Variants in TMTC1 observed in about 807,000 individuals in gnomAD.
TMTC1 encodes transmembrane O-mannosyltransferase targeting cadherins 1, also known as protein O-mannosyl-transferase TMTC1.
In TMTC1, 73 loss-of-function variants were observed where a neutral mutation model predicts 104.8. The observed-to-expected ratio is 0.70, with a 90% CI of 0.58 to 0.85. The LOEUF is 0.85. TMTC1 is among the 40% of genes least tolerant of loss of function. The pLI, the probability that TMTC1 is intolerant of heterozygous loss-of-function variation, is 0.00. For missense variants in TMTC1, 1,035 were observed against 1,096.1 expected (o/e 0.94, Z 0.79); for synonymous variants, 434 against 428.7 (o/e 1.01, Z -0.15).
At position 29,557,438 on chromosome 12, in the gene TMTC1, C is replaced by T. The variant is rs147028514; in HGVS notation, c.1533-438G>A. 1.4e-3 allele frequency among the ~76,000 whole-genome samples: 210 copies of T among 152,242 alleles called. 1 individual carries two copies. The highest frequency in any genetic ancestry group is 4.8e-3 in the African/African-American group (199 of 41,558). On this transcript the variant is annotated intron_variant, in intron 9 of 17. Coordinates refer to ENST00000539277, the MANE Select transcript of TMTC1 (RefSeq NM_001193451.2). ...TTTGAGGAGGAATCTTCATAAACAT[C>T]TTTAAAACAAAAACAAAAACAAAAA...
At chr12:29,567,658 A>G (rs1945553619) in intron 9 of TMTC1, among the ~76,000 whole-genome samples, 1 of 152,246 alleles carries the variant, frequency 6.6e-6, no homozygotes. Context: ...CCAGAAATAC[A>G]TGGCAGCTGG....
chr12:29,599,993 C>CATATATATAT (rs71444331), intron 7 of TMTC1, among the ~76,000 whole-genome samples: 66 of 81,814 alleles, frequency 8.1e-4, no homozygotes, highest in South Asian at 1.7e-3. Context: ...TGTGTATATA[C>CATATATATAT]ATATATATAT....
At chr12:29,572,275 T>G in intron 8 of TMTC1, 57 bp from the exon 9 acceptor site, 1 of 1,368,178 alleles carries the variant, frequency 7.3e-7, no homozygotes, top group Non-Finnish European at 1.0e-6. Context: ...ATTGTCAGAT[T>G]CCTTTATGTT....
intron 17 of TMTC1, among the ~76,000 whole-genome samples, chr12:29,508,684 G>A (rs1338624928): frequency 6.6e-6 from 1 of 151,586 alleles, no homozygotes; most frequent in African/African-American, 2.4e-5. Flanking sequence ...AACAGTTCTC[G>A]TGCCTCAGCC....
rs144139954 is a variant in TMTC1, at chr12:29,655,014, G to T, written c.939-21678C>A. ...TTCTCCTGCCTCAGCCTCCTGAGTA[G>T]CTTGGATTACAGGCTCGTGCCACCA... On this transcript the variant is annotated intron_variant, in intron 5 of 17. Coordinates refer to ENST00000539277, the MANE Select transcript of TMTC1 (RefSeq NM_001193451.2). Among the ~76,000 whole-genome samples, 791 of 152,278 alleles carry T rather than the reference G, an allele frequency of 5.2e-3. 8 individuals carry two copies. Among genetic ancestry groups the T allele is most frequent in the Non-Finnish European group, 9.4e-3 (640 of 68,008 alleles).
intron 5 of TMTC1, among the ~76,000 whole-genome samples, chr12:29,649,792 G>A (rs1179022243): frequency 6.6e-6 from 1 of 152,194 alleles, no homozygotes; most frequent in East Asian, 1.9e-4. Flanking sequence ...TCAACTTTCT[G>A]GTGCCCAGAG....
intron 6 of TMTC1, among the ~76,000 whole-genome samples, chr12:29,620,560 A>G (rs1409345196): frequency 6.6e-6 from 1 of 152,254 alleles, no homozygotes; most frequent in Non-Finnish European, 1.5e-5. Flanking sequence ...AATGACATAA[A>G]AGTATGTGGG....
Position 29,517,552 on chromosome 12 carries a change from T to G in TMTC1, c.2044A>C (p.Lys682Gln), listed in dbSNP as rs1565638617. 4 of 1,614,082 alleles carry G rather than the reference T, an allele frequency of 2.5e-6. No individual in the cohort carries two copies. Among genetic ancestry groups the G allele is most frequent in the Admixed American group, 1.7e-5 (1 of 60,002 alleles). ...CCCAAAGGTGACAATATCTCAGCTTTGTGTGCCACCTGCAGGGCGCTGAGT... is the reference window on the plus strand; with the variant it reads ...CCCAAAGGTGACAATATCTCAGCTTGGTGTGCCACCTGCAGGGCGCTGAGT... ...WYKRALQVAH[K>Q]AEILSPLGAL... Residue 682 changes from lysine to glutamine, a missense_variant, in exon 14 of 18, where the codon AAA becomes CAA. Transcript: ENST00000539277.
chr12:29,651,715 T>C (rs987500904), intron 5 of TMTC1, among the ~76,000 whole-genome samples: 3 of 152,238 alleles, frequency 2.0e-5, no homozygotes, highest in Non-Finnish European at 4.4e-5. Flanking sequence ...TACCTTAGCA[T>C]ACCCTCATCT....
At chr12:29,753,778 G>A (rs1464783251) in intron 4 of TMTC1, among the ~76,000 whole-genome samples, 34 of 152,228 alleles carry the variant, frequency 2.2e-4, no homozygotes, top group Admixed American at 2.2e-3. Flanking sequence ...TAGGCAGAAT[G>A]AGTATGTGTT....
intron 1 of TMTC1, among the ~76,000 whole-genome samples, chr12:29,778,659 T>C (rs1173772945): frequency 1.3e-5 from 2 of 152,256 alleles, no homozygotes; most frequent in Admixed American, 1.3e-4. Flanking sequence ...ATGAAAAGAC[T>C]GAATCTGAGA....
chr12:29,750,168 T>C (rs1255641432), intron 5 of TMTC1, among the ~76,000 whole-genome samples: 2 of 151,906 alleles, frequency 1.3e-5, no homozygotes, highest in Non-Finnish European at 2.9e-5. Flanking sequence ...GCCCTTCACC[T>C]GTGCCCTGCC....
chr12:29,611,750 T>C (rs1946851514), intron 6 of TMTC1, among the ~76,000 whole-genome samples: 1 of 152,180 alleles, frequency 6.6e-6, no homozygotes, highest in African/African-American at 2.4e-5. Flanking sequence ...GAAGACATCT[T>C]TGAAAGTCTG....
intron 5 of TMTC1, among the ~76,000 whole-genome samples, chr12:29,733,351 G>T (rs895618628): frequency 6.6e-6 from 1 of 151,870 alleles, no homozygotes; most frequent in Non-Finnish European, 1.5e-5. Context: ...TCCTGAGGGG[G>T]TAACTGCGTG....
At chr12:29,608,925 G>A (rs2136420253) in intron 6 of TMTC1, among the ~76,000 whole-genome samples, 1 of 152,216 alleles carries the variant, frequency 6.6e-6, no homozygotes, top group Non-Finnish European at 1.5e-5. Flanking sequence ...ATCTTTCAAA[G>A]TGCAATTCAC....
upstream of TMTC1, among the ~76,000 whole-genome samples, chr12:29,784,085 C>T (rs1466348011): frequency 6.6e-6 from 1 of 151,242 alleles, no homozygotes; most frequent in East Asian, 2.0e-4. Flanking sequence ...CCCCGGCCCG[C>T]CTTGCTTGCA....
In TMTC1 at chr12:29,506,820, C is replaced by T. The variant is rs1565631056; in HGVS notation, c.*26G>A. The stretch of plus-strand genomic sequence containing the variant: ...CCCCTTTCAGAGGCACCACATTATC[C>T]TATGAGGTTGGGTCAGACGGTGGTG... On this transcript the variant is annotated 3_prime_UTR_variant, in exon 18 of 18. Transcript: ENST00000539277. 6.2e-7 allele frequency: 1 copy of T among 1,613,608 alleles called. No individual in the cohort carries two copies. The highest frequency in any genetic ancestry group is 1.1e-5 in the South Asian group (1 of 91,042).
chr12:29,639,172 T>C (rs1938711351), intron 5 of TMTC1, among the ~76,000 whole-genome samples: 1 of 152,216 alleles, frequency 6.6e-6, no homozygotes, highest in African/African-American at 2.4e-5. Context: ...GCATTTTCGC[T>C]GCATTGCTGG....
intron 7 of TMTC1, among the ~76,000 whole-genome samples, chr12:29,587,102 T>A (rs542950882): frequency 2.4e-3 from 371 of 152,258 alleles, no homozygotes; most frequent in African/African-American, 8.6e-3. Context: ...AATTATTGCC[T>A]CAATTTCAGA....
Sources: allele counts gnomAD v4.1 joint callset (sites outside exome capture counted in the v4.1 genomes callset), GRCh38; gene constraint gnomAD v4.1.1; transcripts MANE v1.5; gene names NCBI Gene and HGNC (gene_info 2026-07-23, HGNC 2026-07-21).